The following DLG2 variants were observed in gnomAD, a reference collection of about 807,000 sequenced individuals.
DLG2 encodes discs large MAGUK scaffold protein 2, also known as disks large homolog 2.
A neutral mutation model predicts 132.5 loss-of-function variants in DLG2; 45 were observed. The observed-to-expected ratio is 0.34, with a 90% confidence interval of 0.27 to 0.44. The LOEUF (loss-of-function observed/expected upper bound fraction) is 0.44. Among genes scored for constraint, DLG2 ranks in the 20% least tolerant of loss-of-function variants. The probability of loss-of-function intolerance (pLI) is 1.00; values close to 1 mark genes in which losing one functional copy is unlikely to be tolerated. For synonymous variants in DLG2, 424 were observed against 419.6 expected (o/e 1.01, Z -0.13); for missense variants, 1,045 against 1,196.9 (o/e 0.87, Z 1.87).
intron 3 of DLG2, among the ~76,000 whole-genome samples, chr11:85,555,812 T>G (rs1218533233): frequency 2.6e-5 from 4 of 151,806 alleles, no homozygotes; most frequent in African/African-American, 9.7e-5. Flanking sequence ...CCCTCAGAGA[T>G]GAGAGGAACT....
intron 11 of DLG2, among the ~76,000 whole-genome samples, chr11:84,030,235 C>A (rs1767932429): frequency 6.6e-6 from 1 of 152,070 alleles, no homozygotes; most frequent in African/African-American, 2.4e-5. Context: ...TACAGGTAGA[C>A]ACTATTATTA....
intron 7 of DLG2, among the ~76,000 whole-genome samples, chr11:84,252,247 G>T (rs1317761542): frequency 7.4e-6 from 1 of 135,872 alleles, no homozygotes; most frequent in Non-Finnish European, 1.5e-5. Context: ...TGCCTCCCCA[G>T]TTCAACGATT....
At chr11:84,895,298 G>A (rs2090039254) in intron 6 of DLG2, among the ~76,000 whole-genome samples, 3 of 152,048 alleles carry the variant, frequency 2.0e-5, no homozygotes, top group Admixed American at 2.0e-4. Context: ...CAAAGCAATG[G>A]TTAGTTATTG....
At chr11:84,258,669 G>C (rs1453828010) in intron 7 of DLG2, among the ~76,000 whole-genome samples, 2 of 152,168 alleles carry the variant, frequency 1.3e-5, no homozygotes, top group South Asian at 2.1e-4. Context: ...AAATCTAAGA[G>C]GTGCCACAAG....
chr11:85,412,750 C>CATATATATAT (rs2089439847), intron 3 of DLG2, among the ~76,000 whole-genome samples: 1 of 139,350 alleles, frequency 7.2e-6, no homozygotes, highest in African/African-American at 2.7e-5. Flanking sequence ...CACACACACA[C>CATATATATAT]ACACACACAC....
intron 9 of DLG2, among the ~76,000 whole-genome samples, chr11:84,108,904 G>A (rs2093155935): frequency 1.3e-5 from 2 of 152,046 alleles, no homozygotes; most frequent in African/African-American, 4.8e-5. Flanking sequence ...TGGACTTACT[G>A]ATGGCTGGAA....
intron 6 of DLG2, among the ~76,000 whole-genome samples, chr11:84,623,654 C>T (rs538365097): frequency 2.0e-5 from 3 of 152,254 alleles, no homozygotes; most frequent in South Asian, 4.1e-4. Flanking sequence ...ATATTAACTA[C>T]ACACATTTTA....
chr11:83,588,775 C>A (rs559482034), intron 19 of DLG2, among the ~76,000 whole-genome samples: 1 of 151,698 alleles, frequency 6.6e-6, no homozygotes, highest in African/African-American at 2.4e-5. Flanking sequence ...CTAGAATAAC[C>A]AATACAGAGA....
chr11:85,586,272 T>C (rs748133407), intron 3 of DLG2, among the ~76,000 whole-genome samples: 29 of 152,208 alleles, frequency 1.9e-4, no homozygotes, highest in Non-Finnish European at 3.5e-4. Flanking sequence ...TGGAATACTG[T>C]CAATAGGACT....
chr11:84,392,438 T>C (rs546285929), intron 7 of DLG2, among the ~76,000 whole-genome samples: 1 of 152,340 alleles, frequency 6.6e-6, no homozygotes, highest in South Asian at 2.1e-4. Context: ...GACATTCATA[T>C]GCCAATGGTC....
chr11:83,947,238 A>AT (rs10719155), intron 14 of DLG2, among the ~76,000 whole-genome samples: 12 of 151,672 alleles, frequency 7.9e-5, no homozygotes, highest in South Asian at 2.1e-4. Context: ...AACATTCTAG[A>AT]TTTTTTTTTT....
chr11:85,076,811 T>C (rs1286142712), intron 6 of DLG2, among the ~76,000 whole-genome samples: 1 of 152,036 alleles, frequency 6.6e-6, no homozygotes, highest in Non-Finnish European at 1.5e-5. Flanking sequence ...GAGTGAAAGA[T>C]GACCCCTTGA....
chr11:85,521,767 C>T (rs980554015), intron 3 of DLG2, among the ~76,000 whole-genome samples: 4 of 152,152 alleles, frequency 2.6e-5, no homozygotes, highest in Admixed American at 2.6e-4. Flanking sequence ...TTGATTCTTG[C>T]TATCCTTTAG....
chr11:84,449,160 T>G (rs1351491860), intron 7 of DLG2, among the ~76,000 whole-genome samples: 1 of 151,964 alleles, frequency 6.6e-6, no homozygotes, highest in African/African-American at 2.4e-5. Context: ...TCACATTTTT[T>G]TTACTTTGTA....
intron 6 of DLG2, among the ~76,000 whole-genome samples, chr11:85,024,848 C>G (rs771330120): frequency 6.6e-6 from 1 of 152,154 alleles, no homozygotes; most frequent in Non-Finnish European, 1.5e-5. Context: ...CTCAAAATGT[C>G]TGCAGAGGGA....
At chr11:84,467,756 T>C (rs1453014163) in intron 7 of DLG2, among the ~76,000 whole-genome samples, 15 of 151,514 alleles carry the variant, frequency 9.9e-5, no homozygotes, top group Non-Finnish European at 5.9e-5. Flanking sequence ...TAACTGTTAA[T>C]CATCTCTTGT....
At chr11:85,429,529 C>T (rs1049987060) in intron 3 of DLG2, among the ~76,000 whole-genome samples, 10 of 152,080 alleles carry the variant, frequency 6.6e-5, no homozygotes, top group African/African-American at 2.2e-4. Context: ...AACACAACCC[C>T]ACCAAAAAGT....
chr11:83,906,342 G>T (rs1043933111), intron 15 of DLG2, among the ~76,000 whole-genome samples: 33 of 144,706 alleles, frequency 2.3e-4, no homozygotes, highest in East Asian at 1.7e-3. Context: ...AAAGTGCTGG[G>T]ATTACCAGCA....
chr11:84,515,332 C>T (rs1035860472), intron 7 of DLG2, among the ~76,000 whole-genome samples: 3 of 149,958 alleles, frequency 2.0e-5, no homozygotes, highest in Non-Finnish European at 3.0e-5. Flanking sequence ...ATATATGCAG[C>T]CTACGAAACC....
Sources: allele counts gnomAD v4.1 joint callset (sites outside exome capture counted in the v4.1 genomes callset), GRCh38; gene constraint gnomAD v4.1.1; transcripts MANE v1.5; gene names NCBI Gene and HGNC (gene_info 2026-07-23, HGNC 2026-07-21).